Variants in NAALADL2 observed in about 807,000 individuals in gnomAD.
NAALADL2 encodes the protein N-acetylated alpha-linked acidic dipeptidase like 2, also known as inactive N-acetylated-alpha-linked acidic dipeptidase-like protein 2.
In NAALADL2, 76 loss-of-function variants were observed where a neutral mutation model predicts 87.2. The observed-to-expected ratio is 0.87, with a 90% CI of 0.72 to 1.05. The LOEUF is 1.05. Among genes scored for constraint, NAALADL2 ranks in the 50% least tolerant of loss-of-function variants. The pLI is 0.00. For synonymous variants in NAALADL2, 354 were observed against 331.0 expected, an observed-to-expected ratio of 1.07 and a Z score of -0.75; for missense variants, 1,089 against 945.8, an observed-to-expected ratio of 1.15 and a Z score of -1.99.
chr3:175,680,199 A>G (rs950495937), intron 11 of NAALADL2, among the ~76,000 whole-genome samples: 2 of 152,176 alleles, frequency 1.3e-5, no homozygotes, highest in African/African-American at 4.8e-5. Context: ...TCTTTAAGAT[A>G]CCTTTCATTG....
At chr3:175,176,121 TG>T (rs1238960345) in intron 2 of NAALADL2, among the ~76,000 whole-genome samples, 1 of 152,150 alleles carries the variant, frequency 6.6e-6, no homozygotes, top group East Asian at 1.9e-4. Context: ...TTTTTATATT[TG>T]CATGGGTAAC....
chr3:175,302,918 AAATT>A (rs1452712888), intron 4 of NAALADL2, among the ~76,000 whole-genome samples: 1 of 151,948 alleles, frequency 6.6e-6, no homozygotes, highest in East Asian at 1.9e-4. Flanking sequence ...GGATATATGA[AAATT>A]AAAGGAGATC....
chr3:174,457,331 C>A (rs1243429240), intron 1 of NAALADL2, among the ~76,000 whole-genome samples: 2 of 152,104 alleles, frequency 1.3e-5, no homozygotes, highest in African/African-American at 4.8e-5. Flanking sequence ...AGTACCATTC[C>A]TTCCAGCAAC....
chr3:174,687,161 C>T (rs1349098871), intron 2 of NAALADL2, among the ~76,000 whole-genome samples: 1 of 152,114 alleles, frequency 6.6e-6, no homozygotes, highest in African/African-American at 2.4e-5. Flanking sequence ...TTCTTTATCA[C>T]AAACTTGGTT....
chr3:174,753,354 G>A (rs1711523471), intron 3 of NAALADL2, among the ~76,000 whole-genome samples: 1 of 152,186 alleles, frequency 6.6e-6, no homozygotes, highest in Non-Finnish European at 1.5e-5. Context: ...GGGATTACAG[G>A]CATGAGCCAC....
intron 10 of NAALADL2, among the ~76,000 whole-genome samples, chr3:175,591,086 T>G (rs1721384920): frequency 2.6e-5 from 4 of 152,158 alleles, no homozygotes; most frequent in Non-Finnish European, 5.9e-5. Flanking sequence ...CCCTGATATT[T>G]TTTAGGAGGT....
intron 5 of NAALADL2, among the ~76,000 whole-genome samples, chr3:175,324,646 C>A (rs2110440276): frequency 6.6e-6 from 1 of 152,182 alleles, no homozygotes; most frequent in African/African-American, 2.4e-5. Flanking sequence ...CCAGGTAAGC[C>A]AATAGCATGT....
chr3:174,863,328 T>C (rs1726733679), intron 1 of NAALADL2, among the ~76,000 whole-genome samples: 1 of 152,102 alleles, frequency 6.6e-6, no homozygotes, highest in African/African-American at 2.4e-5. Flanking sequence ...ATTGACGTCT[T>C]TTAGTTTCTA....
chr3:175,581,187 A>ATC (rs1265704872), intron 10 of NAALADL2: 1 of 361,242 alleles, frequency 2.8e-6, no homozygotes, highest in South Asian at 2.1e-5. Context: ...CATGCCTGTC[A>ATC]TCTCTGCCCT....
At chr3:174,567,001 T>A (rs889336267) in intron 2 of NAALADL2, among the ~76,000 whole-genome samples, 1 of 151,696 alleles carries the variant, frequency 6.6e-6, no homozygotes, top group Non-Finnish European at 1.5e-5. Flanking sequence ...TCAATAGTCA[T>A]CTAATTTTTA....
chr3:175,420,020 G>A (rs186796373), intron 5 of NAALADL2, among the ~76,000 whole-genome samples: 81 of 152,002 alleles, frequency 5.3e-4, no homozygotes, highest in East Asian at 1.9e-4. Context: ...AGCAGACATC[G>A]TTGGCCTCAG....
At chr3:175,409,768 T>G (rs945164418) in intron 5 of NAALADL2, among the ~76,000 whole-genome samples, 1 of 152,040 alleles carries the variant, frequency 6.6e-6, no homozygotes, top group African/African-American at 2.4e-5. Flanking sequence ...TTTTCTTGTT[T>G]TAGACATATT....
intron 1 of NAALADL2, among the ~76,000 whole-genome samples, chr3:174,945,339 TG>T: frequency 6.6e-6 from 1 of 152,310 alleles, no homozygotes; most frequent in South Asian, 2.1e-4. Context: ...GGATGATAAC[TG>T]GAGAAGCAAA....
intron 5 of NAALADL2, among the ~76,000 whole-genome samples, chr3:175,407,718 C>T (rs1292069516): frequency 6.6e-6 from 1 of 152,152 alleles, no homozygotes. Context: ...TTTCTGGATG[C>T]TATAGATTAT....
chr3:175,324,395 C>T, intron 5 of NAALADL2, 70 bp downstream of exon 5: 3 of 1,232,876 alleles, frequency 2.4e-6, no homozygotes, highest in Admixed American at 2.4e-5. Flanking sequence ...TAAATAAATG[C>T]TATCTATCAG....
At chr3:175,187,753 C>T (rs1166917697) in intron 2 of NAALADL2, among the ~76,000 whole-genome samples, 1 of 148,416 alleles carries the variant, frequency 6.7e-6, no homozygotes, top group Non-Finnish European at 1.5e-5. Context: ...GAATATGGAA[C>T]CACTCAGAAA....
chr3:175,324,028 CAA>C (rs372517580), intron 4 of NAALADL2, 145 bp from the exon 5 acceptor site: 2,015 of 428,342 alleles, frequency 4.7e-3, no homozygotes, highest in South Asian at 7.6e-3. Context: ...AAAAAACAAA[CAA>C]AAAAAAAAAA....
intron 2 of NAALADL2, among the ~76,000 whole-genome samples, chr3:175,200,683 C>T (rs896619544): frequency 6.6e-6 from 1 of 152,150 alleles, no homozygotes; most frequent in East Asian, 1.9e-4. Context: ...TTTCCCACTG[C>T]ATTTTCTCCT....
At chr3:175,530,089 C>T (rs1733899427) in intron 9 of NAALADL2, among the ~76,000 whole-genome samples, 1 of 152,168 alleles carries the variant, frequency 6.6e-6, no homozygotes, top group Non-Finnish European at 1.5e-5. Flanking sequence ...TGTGTAACTT[C>T]CATCCCTGTT....
Sources: gnomAD v4.1 joint callset for allele counts (sites outside exome capture counted in the v4.1 genomes callset) on GRCh38, gnomAD v4.1.1 for gene constraint, MANE v1.5 for transcripts, NCBI Gene and HGNC (gene_info 2026-07-23, HGNC 2026-07-21) for gene names.